The following WDR36 variants were observed in gnomAD, a reference collection of about 807,000 sequenced individuals.
WDR36 encodes the protein WD repeat domain 36.
WDR36 carries 63 observed loss-of-function variants against 112.7 expected under a neutral mutation model. The ratio of observed to expected loss-of-function variants is 0.56; its 90% CI spans 0.46 to 0.69. WDR36 has a LOEUF of 0.69. Among genes scored for constraint, WDR36 ranks in the 30% least tolerant of loss-of-function variants. The pLI is 0.00. For missense variants in WDR36, 1,226 were observed against 1,070.3 expected (o/e 1.15, Z -2.03); for synonymous variants, 410 against 362.2 (o/e 1.13, Z -1.50).
Position 111,120,726 on chromosome 5 carries a change from A to G in WDR36, c.2002+133A>G, listed in dbSNP as rs1753547012. On this transcript the variant is annotated intron_variant, in intron 18 of 22. Transcript: ENST00000513710. Reference sequence around the variant, plus strand: ...TAACTGATATAAAAGACTTTGAATGACTTCATGAATTTATGCAAAAATATA... The same window carrying G: ...TAACTGATATAAAAGACTTTGAATGGCTTCATGAATTTATGCAAAAATATA... The G allele has an allele frequency of 3.7e-6, 3 of 817,174 alleles. No individual in the cohort carries two copies. The East Asian group carries it at 7.7e-5, about 21-fold the overall frequency. The allele number at this position is 817,174 out of a possible 1,614,324, so 50.6% of individuals were successfully genotyped here.
At chr5:111,098,141 G>A (rs932446132) in intron 3 of WDR36, among the ~76,000 whole-genome samples, 15 of 152,090 alleles carry the variant, frequency 9.9e-5, no homozygotes, top group Admixed American at 6.6e-4. Flanking sequence ...GTCAACTGTA[G>A]GAAGTTGTTA....
intron 16 of WDR36, among the ~76,000 whole-genome samples, chr5:111,115,975 C>T (rs1444893675): frequency 6.6e-6 from 1 of 151,940 alleles, no homozygotes; most frequent in Non-Finnish European, 1.5e-5. Flanking sequence ...CCAAGTCTTG[C>T]TCTGTCGCCC....
rs1753740860 is a variant in WDR36 at position 111,129,353 on chromosome 5, C to G, written c.*2470C>G. The G allele has an allele frequency of 5.2e-6, 1 of 192,954 alleles. No individual in the cohort carries two copies. Among genetic ancestry groups the G allele is most frequent in the Admixed American group, 6.1e-5 (1 of 16,336 alleles). 12.0% of individuals were successfully genotyped at this position (192,954 alleles called of 1,614,324 possible). On this transcript the variant is annotated 3_prime_UTR_variant, in exon 23 of 23. Transcript: ENST00000513710. ...AGAATGGCTGTATCAAGTTACAGTTCCCCTGAGCAAGATATGAGCATCTGC... is the reference window on the plus strand; with the variant it reads ...AGAATGGCTGTATCAAGTTACAGTTGCCCTGAGCAAGATATGAGCATCTGC...
chr5:111,126,943 C>G lies in WDR36; in HGVS notation c.*60C>G. The G allele has an allele frequency of 6.9e-7, 1 of 1,445,564 alleles. No individual in the cohort carries two copies. The highest frequency in any genetic ancestry group is 2.3e-5 in the Admixed American group (1 of 42,774). The allele number at this position is 1,445,564 out of a possible 1,614,324, so 89.5% of individuals were successfully genotyped here. A position where few individuals can be genotyped will look rare whatever the true frequency, so the allele number is the denominator to read the frequency against. ...TAAATGGGTTCAATTGAACTCATTT[C>G]TTATTTTCCAAGTGTCAATGTGAAA... On this transcript the variant is annotated 3_prime_UTR_variant, in exon 23 of 23. Transcript: ENST00000513710.
Position 111,120,379 on chromosome 5 carries a change from T to C in WDR36, c.1905-117T>C, listed in dbSNP as rs1753541108. 6 of 805,612 alleles carry C rather than the reference T, an allele frequency of 7.4e-6. 1 individual carries two copies. Among genetic ancestry groups the C allele is most frequent in the South Asian group, 4.5e-5 (3 of 66,076 alleles). 49.9% of individuals were successfully genotyped at this position (805,612 alleles called of 1,614,324 possible). ...GCGTTTTTAAATTGATAACAATCTA[T>C]CTTTGAGGTATTTTTTAACTAATAA... On this transcript the variant is annotated intron_variant, in intron 17 of 22. Transcript: ENST00000513710.
chr5:111,121,716 T>G (rs555776305), intron 19 of WDR36, among the ~76,000 whole-genome samples: 6 of 152,310 alleles, frequency 3.9e-5, no homozygotes, highest in African/African-American at 1.4e-4. Flanking sequence ...TTTATGATTC[T>G]GCATGAAAAA....
At chr5:111,097,578 T>A (rs972320547) in intron 3 of WDR36, among the ~76,000 whole-genome samples, 4 of 152,260 alleles carry the variant, frequency 2.6e-5, no homozygotes, top group Non-Finnish European at 4.4e-5. Context: ...TTATTTATTA[T>A]GTATAACTTA....
Position 111,111,256 on chromosome 5 carries a change from A to T in WDR36, c.1694A>T (p.His565Leu), listed in dbSNP as rs778801101. 1.2e-6 allele frequency: 2 copies of T among 1,611,390 alleles called. No homozygotes were observed. The highest frequency in any genetic ancestry group is 1.3e-5 in the African/African-American group (1 of 74,770). ...TRKIVREFSG[H>L]QGQINDMAFS... is the part of the protein sequence containing the mutation. Reference sequence around the variant, plus strand: ...AAGATTGTCAGAGAGTTTTCTGGACACCAAGGCCAAATAAATGACATGGTA... The same window carrying T: ...AAGATTGTCAGAGAGTTTTCTGGACTCCAAGGCCAAATAAATGACATGGTA... Residue 565 changes from histidine to leucine, a missense_variant, in exon 15 of 23, where the codon CAC becomes CTC. Transcript: ENST00000513710.
intron 3 of WDR36, among the ~76,000 whole-genome samples, chr5:111,097,753 A>G (rs1261860315): frequency 6.6e-6 from 1 of 152,288 alleles, no homozygotes; most frequent in South Asian, 2.1e-4. Flanking sequence ...CCTGGCCTTA[A>G]TGGTCTAGAA....
In WDR36 at chr5:111,110,792, C is replaced by T. The variant is rs760904148; in HGVS notation, c.1446C>T (p.His482=). 6.2e-7 allele frequency: 1 copy of T among 1,610,254 alleles called. No homozygotes were observed. Among genetic ancestry groups the T allele is most frequent in the Non-Finnish European group, 8.5e-7 (1 of 1,177,666 alleles). The change falls in exon 14 of 23, where the codon CAC becomes CAT. Residue 482 remains histidine (H), a synonymous_variant. Transcript: ENST00000513710. The stretch of plus-strand genomic sequence containing the variant: ...CTTTTGACATCTACCTTACAGCTCA[C>T]AAGGGATCTGTTAGAGGTGTCGCAG... ...HRGSFGKDQA[H]KGSVRGVAVD...
intron 10 of WDR36, among the ~76,000 whole-genome samples, chr5:111,105,754 C>A (rs570396581): frequency 2.2e-4 from 33 of 151,530 alleles, no homozygotes; most frequent in African/African-American, 7.2e-4. Context: ...GGTTTCCAGC[C>A]TTTGAAAGAT....
chr5:111,095,064 C>T lies in WDR36; in HGVS notation c.190+117C>T, dbSNP rs186171839. ...CAAGGTAACATGTATGTCTTATAAA[C>T]TTACATTATCAGCAACAAAAAAGGG... On this transcript the variant is annotated intron_variant, in intron 2 of 22. Transcript: ENST00000513710. 2.4e-4 allele frequency: 219 copies of T among 917,210 alleles called. 1 individual carries two copies. In the East Asian group the frequency reaches 4.6e-3, roughly 19 times the overall value. The allele number at this position is 917,210 out of a possible 1,614,324, so 56.8% of individuals were successfully genotyped here.
At chr5:111,099,463 G>GTTTTTT (rs67437234) in intron 4 of WDR36, among the ~76,000 whole-genome samples, 4 of 84,970 alleles carry the variant, frequency 4.7e-5, no homozygotes, top group Non-Finnish European at 7.4e-5. Context: ...TTTTTTTTTT[G>GTTTTTT]TTTTTTTTTT....
At position 111,127,296 on chromosome 5, in the gene WDR36, T is replaced by A; in HGVS notation, c.*413T>A. The A allele has an allele frequency of 4.7e-6, 1 of 211,202 alleles. No individual in the cohort carries two copies. 13.1% of individuals were successfully genotyped at this position (211,202 alleles called of 1,614,324 possible). A position where few individuals can be genotyped will look rare whatever the true frequency, so the allele number is the denominator to read the frequency against. ...CTTTTATATGATTTTTAAAAAATTA[T>A]TACCTGCTTATATTTTTTGAGTATC... On this transcript the variant is annotated 3_prime_UTR_variant, in exon 23 of 23. Transcript: ENST00000513710.
In WDR36 at chr5:111,126,861, A is replaced by T; in HGVS notation, c.2666A>T (p.Tyr889Phe). ...AATCAAAGCATGTGTATTTTAAATT[A>T]TCTCAAAAGTGCTTTGTTGTAAAAA... ...LFNQSMCILN[Y>F]LKSALL Residue 889 changes from tyrosine (Y) to phenylalanine (F), a missense_variant, in exon 23 of 23, where the codon TAT becomes TTT. Coordinates refer to ENST00000513710, the MANE Select transcript of WDR36 (RefSeq NM_139281.3). 2.5e-6 allele frequency: 4 copies of T among 1,608,456 alleles called. No individual in the cohort carries two copies. The highest frequency in any genetic ancestry group is 3.4e-6 in the Non-Finnish European group (4 of 1,178,024).
intron 15 of WDR36, among the ~76,000 whole-genome samples, chr5:111,111,814 A>ATATTT (rs1753347350): frequency 6.6e-6 from 1 of 151,956 alleles, no homozygotes; most frequent in Non-Finnish European, 1.5e-5. Flanking sequence ...TTTAAATAGC[A>ATATTT]TATTTCATTA....
At chr5:111,098,456 C>T (rs565422486) in intron 3 of WDR36, among the ~76,000 whole-genome samples, 2 of 152,254 alleles carry the variant, frequency 1.3e-5, no homozygotes, top group Admixed American at 6.5e-5. Context: ...CTCTCTAACC[C>T]AAGATGGAAG....
intron 19 of WDR36, among the ~76,000 whole-genome samples, chr5:111,122,420 A>G (rs532209900): frequency 5.3e-5 from 8 of 152,354 alleles, no homozygotes; most frequent in Middle Eastern, 3.4e-3. Context: ...GCTGAATAAA[A>G]GAGAATGTAC....
rs139818247 is a variant in WDR36 at position 111,126,966 on chromosome 5, A to T, written c.*83A>T. 1.8e-3 allele frequency: 2,305 copies of T among 1,301,638 alleles called. 7 individuals carry two copies. The highest frequency in any genetic ancestry group is 0.013 in the Middle Eastern group (50 of 3,782). 80.6% of individuals were successfully genotyped at this position (1,301,638 alleles called of 1,614,324 possible). A position where few individuals can be genotyped will look rare whatever the true frequency, so the allele number is the denominator to read the frequency against. ...TTCTTATTTTCCAAGTGTCAATGTG[A>T]AAAGAAAATAAATGCTAGCACTACT... is the stretch of plus-strand genomic sequence containing the variant. On this transcript the variant is annotated 3_prime_UTR_variant, in exon 23 of 23. Transcript: ENST00000513710.
Sources: gnomAD v4.1 joint callset for allele counts (sites outside exome capture counted in the v4.1 genomes callset) on GRCh38, gnomAD v4.1.1 for gene constraint, MANE v1.5 for transcripts, NCBI Gene and HGNC (gene_info 2026-07-23, HGNC 2026-07-21) for gene names.